The following DGLUCY variants were observed in gnomAD, a reference collection of about 807,000 sequenced individuals.
The protein encoded by DGLUCY is D-glutamate cyclase.
DGLUCY carries 58 observed loss-of-function variants against 58.5 expected under a neutral mutation model. The ratio of observed to expected loss-of-function variants is 0.99; its 90% CI spans 0.80 to 1.23. DGLUCY has a LOEUF of 1.23. Ranked by LOEUF, DGLUCY falls within the 50% of genes most tolerant of loss-of-function variation. The pLI is 0.00. For synonymous variants in DGLUCY, 325 were observed against 314.1 expected, an observed-to-expected ratio of 1.03 and a Z score of -0.37; for missense variants, 779 against 784.7, an observed-to-expected ratio of 0.99 and a Z score of 0.09.
At chr14:91,078,506 T>C (rs2044068220) in intron 1 of DGLUCY, among the ~76,000 whole-genome samples, 1 of 152,182 alleles carries the variant, frequency 6.6e-6, no homozygotes, top group Non-Finnish European at 1.5e-5. Flanking sequence ...CTTTGAGTTC[T>C]TTCCTCCCTC....
intron 4 of DGLUCY, among the ~76,000 whole-genome samples, chr14:91,168,077 C>A (rs1451936742): frequency 3.9e-5 from 6 of 152,120 alleles, no homozygotes; most frequent in South Asian, 4.2e-4. Flanking sequence ...CCAGCCTGGG[C>A]AACATAGGGA....
chr14:91,061,720 G>T (rs1452085706), intron 1 of DGLUCY, among the ~76,000 whole-genome samples: 1 of 152,246 alleles, frequency 6.6e-6, no homozygotes, highest in Non-Finnish European at 1.5e-5. Context: ...TGATTGATAA[G>T]GTTAGATGAA....
intron 7 of DGLUCY, 120 bp from the exon 8 acceptor site, chr14:91,181,066 G>A: frequency 1.2e-6 from 1 of 827,272 alleles, no homozygotes; most frequent in South Asian, 1.7e-5. Context: ...AGGTGGTATA[G>A]GGAGTGCTTA....
chr14:91,184,050 A>G (rs1352684590), intron 8 of DGLUCY, among the ~76,000 whole-genome samples: 1 of 151,794 alleles, frequency 6.6e-6, no homozygotes, highest in African/African-American at 2.4e-5. Flanking sequence ...GCCAGTGGGA[A>G]GATCTAGGTA....
At chr14:91,102,198 A>G (rs1468586783) in intron 1 of DGLUCY, among the ~76,000 whole-genome samples, 4 of 152,362 alleles carry the variant, frequency 2.6e-5, no homozygotes, top group African/African-American at 9.6e-5. Context: ...AAGTGAATAT[A>G]GTTTTAAAAA....
At chr14:91,135,953 G>A (rs1231076099) in intron 1 of DGLUCY, among the ~76,000 whole-genome samples, 1 of 44,702 alleles carries the variant, frequency 2.2e-5, no homozygotes, top group Admixed American at 2.3e-4. Flanking sequence ...TTTTTTTTTT[G>A]AGATAGAGTC....
At chr14:91,110,319 C>T (rs889343369), upstream of DGLUCY, among the ~76,000 whole-genome samples, 1 of 152,088 alleles carries the variant, frequency 6.6e-6, no homozygotes, top group Non-Finnish European at 1.5e-5. Flanking sequence ...ATCTTTAAGC[C>T]TTAAGAAAAA....
At chr14:91,124,587 G>C (rs2045567613) in intron 1 of DGLUCY, among the ~76,000 whole-genome samples, 1 of 152,224 alleles carries the variant, frequency 6.6e-6, no homozygotes, top group Non-Finnish European at 1.5e-5. Context: ...AAAGTGTCCT[G>C]TTACACAGGG....
intron 8 of DGLUCY, among the ~76,000 whole-genome samples, chr14:91,184,153 A>G (rs1230061949): frequency 1.3e-5 from 2 of 152,084 alleles, no homozygotes; most frequent in African/African-American, 2.4e-5. Context: ...CCAGACTCCC[A>G]GGGCCCAGAC....
intron 1 of DGLUCY, among the ~76,000 whole-genome samples, chr14:91,074,066 G>A (rs1347745456): frequency 6.8e-6 from 1 of 146,058 alleles, no homozygotes; most frequent in Non-Finnish European, 1.5e-5. Flanking sequence ...GACCAGGCTG[G>A]GCAACATAAT....
chr14:91,090,271 C>T (rs879747970), intron 1 of DGLUCY, among the ~76,000 whole-genome samples: 1 of 152,164 alleles, frequency 6.6e-6, no homozygotes, highest in Admixed American at 6.5e-5. Flanking sequence ...CCATCCCAGT[C>T]ATGGATCTCG....
At chr14:91,117,373 A>C (rs961276096) in intron 1 of DGLUCY, among the ~76,000 whole-genome samples, 1 of 152,104 alleles carries the variant, frequency 6.6e-6, no homozygotes, top group South Asian at 2.1e-4. Context: ...AGTTCCTGGG[A>C]ATGCAGCCCA....
chr14:91,185,921 A>G (rs1164121943), intron 8 of DGLUCY, among the ~76,000 whole-genome samples: 2 of 152,182 alleles, frequency 1.3e-5, no homozygotes, highest in African/African-American at 4.8e-5. Flanking sequence ...CTCAAGAACA[A>G]CAGATGCTTT....
chr14:91,187,717 C>T lies in DGLUCY; in HGVS notation c.935-1193C>T, dbSNP rs543836900. On this transcript the variant is annotated intron_variant, in intron 8 of 13. Coordinates refer to ENST00000256324, the MANE Select transcript of DGLUCY (RefSeq NM_001102368.3). ...CAGCTTGGTAGTGCAGAGGACTCAACGCCCTAATAGGCAGGTGAGTAAATG... is the reference window on the plus strand; with the variant it reads ...CAGCTTGGTAGTGCAGAGGACTCAATGCCCTAATAGGCAGGTGAGTAAATG... 4.6e-5 allele frequency among the ~76,000 whole-genome samples: 7 copies of T among 152,376 alleles called. No homozygotes were observed. The East Asian group carries it at 5.8e-4, about 13-fold the overall frequency.
chr14:91,127,569 T>C (rs999212034), intron 1 of DGLUCY, among the ~76,000 whole-genome samples: 7 of 152,248 alleles, frequency 4.6e-5, no homozygotes, highest in Non-Finnish European at 1.0e-4. Flanking sequence ...GCCCTTGCCT[T>C]CAGGCTGTTT....
intron 8 of DGLUCY, among the ~76,000 whole-genome samples, chr14:91,181,757 C>T (rs1391990514): frequency 2.0e-5 from 3 of 151,138 alleles, no homozygotes; most frequent in Non-Finnish European, 4.4e-5. Context: ...AGTGATTCTC[C>T]TGTCTCAGCC....
In DGLUCY at chr14:91,169,694, G is replaced by A. The variant is rs2048464795; in HGVS notation, c.258-309G>A. ...CAAAGTGCTGGGATTACAGTCATGA[G>A]CCACCGTGCCTGGCCACCATTTACT... On this transcript the variant is annotated intron_variant, in intron 4 of 13. Transcript: ENST00000256324. 2.0e-5 allele frequency among the ~76,000 whole-genome samples: 3 copies of A among 151,216 alleles called. No individual in the cohort carries two copies. The South Asian group carries it at 6.3e-4, about 32-fold the overall frequency.
intron 5 of DGLUCY, among the ~76,000 whole-genome samples, chr14:91,172,405 C>A (rs1453281023): frequency 1.3e-5 from 2 of 152,158 alleles, no homozygotes; most frequent in Non-Finnish European, 2.9e-5. Context: ...AACCTCAACT[C>A]ACATTTAGCA....
intron 4 of DGLUCY, among the ~76,000 whole-genome samples, chr14:91,168,967 A>T (rs576370748): frequency 6.6e-5 from 10 of 152,138 alleles, no homozygotes; most frequent in African/African-American, 2.4e-4. Flanking sequence ...CGGGCCTATG[A>T]TCTCAGCTAT....
Sources: allele counts gnomAD v4.1 joint callset (sites outside exome capture counted in the v4.1 genomes callset), GRCh38; gene constraint gnomAD v4.1.1; transcripts MANE v1.5; gene names NCBI Gene and HGNC (gene_info 2026-07-23, HGNC 2026-07-21).